The following RAD54L2 variants were observed in gnomAD, a reference collection of about 807,000 sequenced individuals.
RAD54L2 encodes helicase ARIP4.
In RAD54L2, 27 loss-of-function variants were observed where a neutral mutation model predicts 138.4. The observed-to-expected ratio is 0.20, with a 90% CI of 0.14 to 0.27. RAD54L2 has a LOEUF of 0.27. RAD54L2 is among the 10% of genes least tolerant of loss of function. The pLI, the probability that RAD54L2 is intolerant of heterozygous loss-of-function variation, is 1.00. For missense variants in RAD54L2, 1,396 were observed against 1,890.2 expected, an observed-to-expected ratio of 0.74 and a Z score of 4.85; for synonymous variants, 644 against 723.2, an observed-to-expected ratio of 0.89 and a Z score of 1.76.
At chr3:51,621,452 T>C (rs1700568104) in intron 3 of RAD54L2, among the ~76,000 whole-genome samples, 1 of 152,234 alleles carries the variant, frequency 6.6e-6, no homozygotes, top group Non-Finnish European at 1.5e-5. Flanking sequence ...CCACAAGCCT[T>C]ATAACTTGGG....
intron 4 of RAD54L2, among the ~76,000 whole-genome samples, chr3:51,628,006 C>T (rs1700733238): frequency 6.6e-6 from 1 of 152,162 alleles, no homozygotes; most frequent in Admixed American, 6.5e-5. Context: ...CTGGAGGCCC[C>T]AGGTGGCAGC....
intron 3 of RAD54L2, among the ~76,000 whole-genome samples, chr3:51,593,325 CTTTTTT>C (rs57001963): frequency 7.8e-4 from 112 of 143,016 alleles, no homozygotes; most frequent in Non-Finnish European, 9.1e-4. Flanking sequence ...ACTTCAGCCC[CTTTTTT>C]TTTTTTTTTA....
intron 3 of RAD54L2, among the ~76,000 whole-genome samples, chr3:51,609,531 T>C (rs1479628072): frequency 6.6e-6 from 1 of 152,222 alleles, no homozygotes; most frequent in East Asian, 1.9e-4. Flanking sequence ...GAGGAAATTA[T>C]GGGCTATAGC....
chr3:51,643,679 G>A (rs947926828), intron 15 of RAD54L2, among the ~76,000 whole-genome samples, 196 bp from the exon 16 acceptor site: 2 of 152,226 alleles, frequency 1.3e-5, no homozygotes, highest in Admixed American at 1.3e-4. Flanking sequence ...GTGCATGTGA[G>A]AATCACCTGG....
chr3:51,548,218 T>G (rs1264254420), intron 2 of RAD54L2, among the ~76,000 whole-genome samples: 1 of 151,224 alleles, frequency 6.6e-6, no homozygotes, highest in African/African-American at 2.4e-5. Context: ...AGACAGAGTC[T>G]TGCTCTGTCG....
intron 19 of RAD54L2, among the ~76,000 whole-genome samples, chr3:51,647,665 G>A (rs1329451001): frequency 2.6e-5 from 4 of 151,912 alleles, no homozygotes; most frequent in Admixed American, 1.3e-4. Flanking sequence ...GCAAAACTCC[G>A]TCTCAAAAAA....
Position 51,662,300 on chromosome 3 carries a change from T to C in RAD54L2, c.3410-126T>C, listed in dbSNP as rs1396269078. 1.2e-6 allele frequency: 1 copy of C among 827,844 alleles called. No homozygotes were observed. The highest frequency in any genetic ancestry group is 2.9e-5 in the South Asian group (1 of 34,824). The allele number at this position is 827,844 out of a possible 1,614,324, so 51.3% of individuals were successfully genotyped here. A position where few individuals can be genotyped will look rare whatever the true frequency, so the allele number is the denominator to read the frequency against. Reference sequence around the variant, plus strand: ...GGAAAAGGTTGACTGGGTGATGTTGTTCAGACATCAAACTATTAGAATTTT... The same window carrying C: ...GGAAAAGGTTGACTGGGTGATGTTGCTCAGACATCAAACTATTAGAATTTT... On this transcript the variant is annotated intron_variant, in intron 22 of 22. Transcript: ENST00000684192. The surrounding 1 kb of genome is among the most constrained non-coding windows in gnomAD (Gnocchi z 4.6).
At chr3:51,614,634 C>T (rs895666880) in intron 3 of RAD54L2, among the ~76,000 whole-genome samples, 18 of 152,100 alleles carry the variant, frequency 1.2e-4, no homozygotes, top group Admixed American at 7.2e-4. Flanking sequence ...CCATCTTGGC[C>T]TTCTAGTAGC....
At chr3:51,556,726 G>A (rs1165055730) in intron 2 of RAD54L2, among the ~76,000 whole-genome samples, 2 of 152,018 alleles carry the variant, frequency 1.3e-5, no homozygotes, top group African/African-American at 2.4e-5. Context: ...ACAGCCATGC[G>A]CCACCATGCC....
At chr3:51,651,616 G>A (rs1363059189) in intron 19 of RAD54L2, among the ~76,000 whole-genome samples, 4 of 152,092 alleles carry the variant, frequency 2.6e-5, no homozygotes, top group African/African-American at 9.7e-5. Context: ...TCCCTGTGAT[G>A]CAAGGCTGGT....
chr3:51,606,776 G>C (rs147852676), intron 3 of RAD54L2, among the ~76,000 whole-genome samples: 253 of 151,820 alleles, frequency 1.7e-3, no homozygotes, highest in African/African-American at 5.7e-3. Flanking sequence ...TCCACCTCCC[G>C]GGTTCACGCT....
rs750753282 is a variant in RAD54L2 at position 51,551,988 on chromosome 3, G to C, written c.-55+10338G>C. ...GATGATCTCAATCTCTTGACCTCGTGATCTGCCCTCTTCAGCCTCCCAAAG... is the reference window on the plus strand; with the variant it reads ...GATGATCTCAATCTCTTGACCTCGTCATCTGCCCTCTTCAGCCTCCCAAAG... On this transcript the variant is annotated intron_variant, in intron 2 of 22. Transcript: ENST00000684192. Among the ~76,000 whole-genome samples, 7 of 152,158 alleles carry C rather than the reference G, an allele frequency of 4.6e-5. 1 individual carries two copies. In the South Asian group the frequency reaches 1.5e-3, roughly 32 times the overall value.
intron 2 of RAD54L2, among the ~76,000 whole-genome samples, chr3:51,543,743 C>T (rs1020751337): frequency 6.6e-6 from 1 of 151,962 alleles, no homozygotes; most frequent in Admixed American, 6.6e-5. Context: ...CTAGTTTTTC[C>T]TCTGCCACAT....
At chr3:51,617,112 G>C (rs1410383821) in intron 3 of RAD54L2, among the ~76,000 whole-genome samples, 1 of 151,996 alleles carries the variant, frequency 6.6e-6, no homozygotes, top group Admixed American at 6.6e-5. Flanking sequence ...ACTAAAACTT[G>C]TTTATCCATT....
At chr3:51,619,502 T>TTTC (rs1700521203) in intron 3 of RAD54L2, among the ~76,000 whole-genome samples, 1 of 152,096 alleles carries the variant, frequency 6.6e-6, no homozygotes, top group Non-Finnish European at 1.5e-5. Flanking sequence ...TTTTTTTTTT[T>TTTC]TTCCAGTTTC....
Position 51,608,770 on chromosome 3 carries a change from A to G in RAD54L2, c.139+18211A>G, listed in dbSNP as rs540993213. ...AGGGAGGTTGCAGTGTGCCGAGATG[A>G]CGGCAGTACAGTCCAGCCTCGGCTC... On this transcript the variant is annotated intron_variant, in intron 3 of 22. Transcript: ENST00000684192. Among the ~76,000 whole-genome samples the G allele has an allele frequency of 2.8e-3, 430 of 152,300 alleles. 2 individuals are homozygous for G. Among genetic ancestry groups the G allele is most frequent in the Non-Finnish European group, 4.5e-3 (308 of 68,022 alleles).
chr3:51,604,441 A>C (rs1220342651), intron 3 of RAD54L2, among the ~76,000 whole-genome samples: 1 of 151,260 alleles, frequency 6.6e-6, no homozygotes, highest in Non-Finnish European at 1.5e-5. Context: ...TGAACTCTCT[A>C]TTTTGTTCCC....
At chr3:51,609,082 G>T (rs937256614) in intron 3 of RAD54L2, among the ~76,000 whole-genome samples, 2 of 152,138 alleles carry the variant, frequency 1.3e-5, no homozygotes, top group African/African-American at 4.8e-5. Context: ...GTAGAGATGG[G>T]GTTTCACCAT....
At chr3:51,590,677 C>G in intron 3 of RAD54L2, 118 bp downstream of exon 3, 1 of 1,360,284 alleles carries the variant, frequency 7.4e-7, no homozygotes, top group East Asian at 2.5e-5. Flanking sequence ...TGGGAAGATA[C>G]AGACTAGGAA....
Sources: allele counts gnomAD v4.1 joint callset (sites outside exome capture counted in the v4.1 genomes callset), GRCh38; gene constraint gnomAD v4.1.1; non-coding constraint Gnocchi (gnomAD v3.1); transcripts MANE v1.5; gene names NCBI Gene and HGNC (gene_info 2026-07-23, HGNC 2026-07-21).